Variants in CNNM2 observed in about 807,000 individuals in gnomAD.
The protein encoded by CNNM2 is metal transporter CNNM2.
A neutral mutation model predicts 66.9 loss-of-function variants in CNNM2; 12 were observed. The observed-to-expected ratio is 0.18, with a 90% CI of 0.11 to 0.29. The LOEUF (loss-of-function observed/expected upper bound fraction) is 0.29. CNNM2 is among the 10% of genes least tolerant of loss of function. CNNM2 has a pLI of 1.00. For missense variants in CNNM2, 705 were observed against 1,167.7 expected, an observed-to-expected ratio of 0.60 and a Z score of 5.77; for synonymous variants, 557 against 501.8, an observed-to-expected ratio of 1.11 and a Z score of -1.47.
At chr10:102,975,778 G>C (rs1204182461) in intron 1 of CNNM2, among the ~76,000 whole-genome samples, 1 of 152,174 alleles carries the variant, frequency 6.6e-6, no homozygotes, top group Non-Finnish European at 1.5e-5. Context: ...ATGCTTGGCA[G>C]TAGTTTAGGG....
intron 1 of CNNM2, among the ~76,000 whole-genome samples, chr10:102,965,239 T>C (rs1049148150): frequency 1.3e-5 from 2 of 152,236 alleles, no homozygotes; most frequent in African/African-American, 4.8e-5. Context: ...TCTTCCCTGC[T>C]CTGTCTTGAC....
intron 1 of CNNM2, among the ~76,000 whole-genome samples, chr10:102,946,475 A>G (rs947533346): frequency 4.6e-5 from 7 of 152,186 alleles, no homozygotes; most frequent in Non-Finnish European, 7.3e-5. Context: ...TTGAACTTGT[A>G]TATTGACAGA....
At chr10:103,014,133 A>G (rs933594308) in intron 1 of CNNM2, among the ~76,000 whole-genome samples, 7 of 152,218 alleles carry the variant, frequency 4.6e-5, no homozygotes, top group East Asian at 1.9e-4. Context: ...CTTGAAAGTC[A>G]TACCCTGATA....
chr10:102,950,126 C>T (rs1195907413), intron 1 of CNNM2, among the ~76,000 whole-genome samples: 1 of 152,026 alleles, frequency 6.6e-6, no homozygotes, highest in Non-Finnish European at 1.5e-5. Flanking sequence ...GACTTTGGGC[C>T]GAGAGTTAGT....
intron 1 of CNNM2, among the ~76,000 whole-genome samples, chr10:103,017,365 C>T (rs1434356670): frequency 6.6e-6 from 1 of 152,080 alleles, no homozygotes; most frequent in Admixed American, 6.6e-5. Context: ...CAGGTCATGT[C>T]CCTGCCTTCT....
chr10:103,012,893 T>C (rs1326993683), intron 1 of CNNM2, among the ~76,000 whole-genome samples: 3 of 152,200 alleles, frequency 2.0e-5, no homozygotes, highest in Non-Finnish European at 4.4e-5. Flanking sequence ...AAGTTTACCA[T>C]AGCCTTTCCT....
chr10:103,026,364 C>G (rs1161072005), intron 1 of CNNM2, among the ~76,000 whole-genome samples: 1 of 151,982 alleles, frequency 6.6e-6, no homozygotes, highest in Non-Finnish European at 1.5e-5. Context: ...CTTTGGGAGG[C>G]CAAGGCGGGT....
intron 4 of CNNM2, among the ~76,000 whole-genome samples, chr10:103,064,974 A>G (rs950215087): frequency 1.3e-5 from 2 of 152,320 alleles, no homozygotes; most frequent in Admixed American, 1.3e-4. Flanking sequence ...GGAAATGTCT[A>G]GGAATCACTG....
chr10:103,014,160 C>G (rs1363369002), intron 1 of CNNM2, among the ~76,000 whole-genome samples: 1 of 152,180 alleles, frequency 6.6e-6, no homozygotes, highest in Non-Finnish European at 1.5e-5. Flanking sequence ...ATTTTAGACT[C>G]TTCAGTTAAA....
intron 1 of CNNM2, among the ~76,000 whole-genome samples, chr10:102,924,597 G>A (rs2134158015): frequency 6.6e-6 from 1 of 150,532 alleles, no homozygotes; most frequent in African/African-American, 2.4e-5. Flanking sequence ...ATTAAGTGTT[G>A]TATTTGCCTT....
At chr10:103,053,948 T>G (rs1590469283) in intron 2 of CNNM2, among the ~76,000 whole-genome samples, 1 of 152,130 alleles carries the variant, frequency 6.6e-6, no homozygotes, top group East Asian at 1.9e-4. Context: ...TGGAGGATGG[T>G]GACATTGAGC....
At chr10:103,045,155 C>T (rs1428702465) in intron 1 of CNNM2, among the ~76,000 whole-genome samples, 3 of 152,086 alleles carry the variant, frequency 2.0e-5, no homozygotes, top group Non-Finnish European at 4.4e-5. Flanking sequence ...TATGTTGGGT[C>T]CTTGGGAAAG....
rs1311733685 is a variant in CNNM2 at position 103,079,745 on chromosome 10, C to T, written c.*2565C>T. On this transcript the variant is annotated 3_prime_UTR_variant, in exon 8 of 8. Coordinates refer to ENST00000369878, the MANE Select transcript of CNNM2 (RefSeq NM_017649.5). Reference sequence around the variant, plus strand: ...CTGTTATTCTTTACCTTCTGTTAGTCACACTATTTTATAACATTAGGGAAT... The same window carrying T: ...CTGTTATTCTTTACCTTCTGTTAGTTACACTATTTTATAACATTAGGGAAT... 1 of 152,154 alleles carries T rather than the reference C, an allele frequency of 6.6e-6. No individual in the cohort carries two copies. The highest frequency in any genetic ancestry group is 2.1e-4 in the South Asian group (1 of 4,824). The allele number at this position is 152,154 out of a possible 1,614,324, so 9.4% of individuals were successfully genotyped here.
intron 1 of CNNM2, among the ~76,000 whole-genome samples, chr10:102,952,430 G>A (rs190436000): frequency 1.8e-4 from 27 of 152,092 alleles, no homozygotes; most frequent in African/African-American, 6.5e-4. Flanking sequence ...TGGGCGTGGT[G>A]GCGGGTGCCT....
chr10:103,034,849 C>G (rs545511972), intron 1 of CNNM2, among the ~76,000 whole-genome samples: 77 of 151,760 alleles, frequency 5.1e-4, no homozygotes, highest in Non-Finnish European at 8.4e-4. Context: ...GCCTGTAGTC[C>G]CAGCTACTCG....
Position 102,943,295 on chromosome 10 carries a change from G to T in CNNM2, c.1621+23194G>T, listed in dbSNP as rs181589140. On this transcript the variant is annotated intron_variant, in intron 1 of 7. Transcript: ENST00000369878. ...GAAAGCTGCATTGCTGGGCATGGTG[G>T]CATGCACCTGTAGTCCCAGCTCCTT... Among the ~76,000 whole-genome samples the T allele has an allele frequency of 1.4e-3, 213 of 152,194 alleles. 1 individual carries two copies. Among genetic ancestry groups the T allele is most frequent in the African/African-American group, 4.6e-3 (193 of 41,508 alleles).
intron 1 of CNNM2, among the ~76,000 whole-genome samples, chr10:102,938,617 C>A (rs1003233777): frequency 7.3e-4 from 26 of 35,700 alleles, no homozygotes; most frequent in Admixed American, 1.7e-3. Flanking sequence ...GAGACCCTGT[C>A]TCAAAAAAAA....
rs530545546 is a variant in CNNM2, at chr10:102,939,714, C to T, written c.1621+19613C>T. On this transcript the variant is annotated intron_variant, in intron 1 of 7. Transcript: ENST00000369878. Reference sequence around the variant, plus strand: ...GAACTGGCGGCCAGGCGCAGTGGCTCACGCCTGTAATCCCAGCACTTTGGT... The same window carrying T: ...GAACTGGCGGCCAGGCGCAGTGGCTTACGCCTGTAATCCCAGCACTTTGGT... Among the ~76,000 whole-genome samples the T allele has an allele frequency of 2.0e-5, 3 of 152,252 alleles. No homozygotes were observed. In the East Asian group the frequency reaches 5.8e-4, roughly 29 times the overall value.
intron 4 of CNNM2, among the ~76,000 whole-genome samples, chr10:103,067,671 C>T (rs1230296232): frequency 1.3e-5 from 2 of 152,114 alleles, no homozygotes. Flanking sequence ...ACACAATGAG[C>T]ACCTACCATG....
Sources: allele counts gnomAD v4.1 joint callset (sites outside exome capture counted in the v4.1 genomes callset), GRCh38; gene constraint gnomAD v4.1.1; transcripts MANE v1.5; gene names NCBI Gene and HGNC (gene_info 2026-07-23, HGNC 2026-07-21).